The following SEPTIN14 variants were observed in gnomAD, a reference collection of about 807,000 sequenced individuals.
SEPTIN14 encodes the protein septin-14.
Under a neutral mutation model 53.6 loss-of-function variants are expected in SEPTIN14, and 40 were observed. The ratio of observed to expected loss-of-function variants is 0.75; its 90% CI spans 0.58 to 0.97. The LOEUF (loss-of-function observed/expected upper bound fraction) is 0.97. SEPTIN14 is among the 50% of genes least tolerant of loss of function. The probability of loss-of-function intolerance (pLI) is 0.00; values close to 1 mark genes in which losing one functional copy is unlikely to be tolerated. For missense variants in SEPTIN14, 471 were observed against 508.2 expected, an observed-to-expected ratio of 0.93 and a Z score of 0.70; for synonymous variants, 138 against 166.8, an observed-to-expected ratio of 0.83 and a Z score of 1.33.
intron 2 of SEPTIN14, among the ~76,000 whole-genome samples, chr7:55,847,049 C>T (rs1368652988): frequency 6.6e-6 from 1 of 151,912 alleles, no homozygotes; most frequent in East Asian, 1.9e-4. Context: ...GCCGGGCATG[C>T]TTGTACTAAA....
chr7:55,802,939 A>ATT (rs552397102), intron 9 of SEPTIN14, among the ~76,000 whole-genome samples: 2 of 148,862 alleles, frequency 1.3e-5, no homozygotes, highest in African/African-American at 2.5e-5. Context: ...ATGAAACTGA[A>ATT]CTTTTTTTTT....
intron 2 of SEPTIN14, among the ~76,000 whole-genome samples, chr7:55,856,298 CTT>C (rs1051868258): frequency 4.6e-5 from 7 of 152,116 alleles, no homozygotes; most frequent in African/African-American, 1.7e-4. Flanking sequence ...TATTAATTAA[CTT>C]AGGATAATGG....
intron 3 of SEPTIN14, among the ~76,000 whole-genome samples, chr7:55,845,403 C>A (rs904305423): frequency 3.9e-5 from 6 of 152,124 alleles, no homozygotes; most frequent in African/African-American, 1.4e-4. Flanking sequence ...ATGTCCTTTG[C>A]AGGAACATGG....
At chr7:55,852,781 A>T (rs1046221283) in intron 2 of SEPTIN14, among the ~76,000 whole-genome samples, 7 of 152,200 alleles carry the variant, frequency 4.6e-5, no homozygotes, top group African/African-American at 1.7e-4. Flanking sequence ...ATATTTGCAA[A>T]CTATCCCCCG....
At chr7:55,802,508 G>A (rs927465615) in intron 9 of SEPTIN14, among the ~76,000 whole-genome samples, 6 of 151,932 alleles carry the variant, frequency 3.9e-5, no homozygotes, top group Non-Finnish European at 8.8e-5. Context: ...TGGAATGCAA[G>A]GATGATTCAA....
At position 55,834,343 on chromosome 7, in the gene SEPTIN14, A is replaced by T. The variant is rs1319020094; in HGVS notation, c.720+82T>A. On this transcript the variant is annotated intron_variant, in intron 6 of 9. Coordinates refer to ENST00000388975, the MANE Select transcript of SEPTIN14 (RefSeq NM_207366.3). ...TTCTCAGCAGAAGCTTTACAAAATT[A>T]AAAAAATTAAAAATTCTCACACTGG... 6 of 1,062,666 alleles carry T rather than the reference A, an allele frequency of 5.6e-6. No individual in the cohort carries two copies. The Admixed American group carries it at 1.6e-4, about 28-fold the overall frequency. 65.8% of individuals were successfully genotyped at this position (1,062,666 alleles called of 1,614,324 possible).
At chr7:55,840,406 T>C (rs1789288269) in intron 5 of SEPTIN14, among the ~76,000 whole-genome samples, 1 of 151,746 alleles carries the variant, frequency 6.6e-6, no homozygotes, top group Admixed American at 6.6e-5. Context: ...GGAGAACTGC[T>C]TGAACCCAGG....
At chr7:55,808,050 A>G (rs1397485065) in intron 7 of SEPTIN14, among the ~76,000 whole-genome samples, 2 of 152,214 alleles carry the variant, frequency 1.3e-5, no homozygotes, top group Non-Finnish European at 2.9e-5. Flanking sequence ...CTGTATTACA[A>G]TAATAGTAAG....
chr7:55,830,335 A>ATTTT (rs1562713324), intron 6 of SEPTIN14, among the ~76,000 whole-genome samples: 7 of 34,300 alleles, frequency 2.0e-4, no homozygotes, highest in African/African-American at 1.0e-3. Flanking sequence ...ATATATATAT[A>ATTTT]TATATATATA....
In SEPTIN14 at chr7:55,821,323, TCA is replaced by T. The variant is rs369861645; in HGVS notation, c.721-2102_721-2101del. 9.9e-4 allele frequency among the ~76,000 whole-genome samples: 150 copies of T among 152,272 alleles called. 1 individual carries two copies. The highest frequency in any genetic ancestry group is 3.3e-3 in the African/African-American group (139 of 41,548). On this transcript the variant is annotated intron_variant, in intron 6 of 9. Coordinates refer to ENST00000388975, the MANE Select transcript of SEPTIN14 (RefSeq NM_207366.3). ...ACTGGTGCTCCTCCTCACTGAGCTC[TCA>T]GTTACCAGTGGGTGCCTGAAGCTTC...
At chr7:55,823,903 TTGAGA>T (rs1788939405) in intron 6 of SEPTIN14, among the ~76,000 whole-genome samples, 3 of 151,166 alleles carry the variant, frequency 2.0e-5, no homozygotes, top group African/African-American at 2.4e-5. Context: ...TTTTTTTTTT[TTGAGA>T]GAGAGAGTGT....
At chr7:55,852,989 T>C (rs1350733472) in intron 2 of SEPTIN14, among the ~76,000 whole-genome samples, 1 of 152,204 alleles carries the variant, frequency 6.6e-6, no homozygotes, top group African/African-American at 2.4e-5. Context: ...TACAATGATA[T>C]ATCATCTCAC....
At chr7:55,796,717 C>T (rs1420599986) in intron 9 of SEPTIN14, among the ~76,000 whole-genome samples, 2 of 151,970 alleles carry the variant, frequency 1.3e-5, no homozygotes, top group Admixed American at 1.3e-4. Context: ...GAGTTCAAGA[C>T]CAGCCTGGGC....
rs557292545 is a variant in SEPTIN14, at chr7:55,830,850, A to G, written c.720+3575T>C. On this transcript the variant is annotated intron_variant, in intron 6 of 9. Transcript: ENST00000388975. Reference sequence around the variant, plus strand: ...ATAAAATAATTTCAAACAAATAAAAACAAGAACAGATAGGTTTACAGCCAA... The same window carrying G: ...ATAAAATAATTTCAAACAAATAAAAGCAAGAACAGATAGGTTTACAGCCAA... Among the ~76,000 whole-genome samples the G allele has an allele frequency of 2.6e-5, 4 of 152,264 alleles. No homozygotes were observed. In the South Asian group the frequency reaches 8.3e-4, roughly 32 times the overall value.
chr7:55,822,623 A>G (rs1354771226), intron 6 of SEPTIN14, among the ~76,000 whole-genome samples: 1 of 152,206 alleles, frequency 6.6e-6, no homozygotes. Context: ...AATATTTGAC[A>G]AAGAAGCAAT....
intron 5 of SEPTIN14, among the ~76,000 whole-genome samples, chr7:55,837,489 G>A (rs559273224): frequency 7.6e-4 from 116 of 152,220 alleles, no homozygotes; most frequent in Non-Finnish European, 1.1e-3. Flanking sequence ...GAAAGAAATT[G>A]AGGCATCATA....
chr7:55,800,154 G>GA (rs200942978), intron 9 of SEPTIN14, among the ~76,000 whole-genome samples: 2 of 151,844 alleles, frequency 1.3e-5, no homozygotes, highest in Non-Finnish European at 2.9e-5. Flanking sequence ...ATGAGTGGAT[G>GA]AAAAAAAATG....
Position 55,794,605 on chromosome 7 carries a change from G to A in SEPTIN14, c.*1308C>T, listed in dbSNP as rs1268227831. 6.6e-6 allele frequency: 1 copy of A among 152,146 alleles called. No homozygotes were observed. The highest frequency in any genetic ancestry group is 2.1e-4 in the South Asian group (1 of 4,834). The allele number at this position is 152,146 out of a possible 1,614,324, so 9.4% of individuals were successfully genotyped here. On this transcript the variant is annotated 3_prime_UTR_variant, in exon 10 of 10. Transcript: ENST00000388975. ...TTTCTTCCCCCAAATTATAAAATCTGTAAGATGATTTAACAATATGTATAA... is the reference window on the plus strand; with the variant it reads ...TTTCTTCCCCCAAATTATAAAATCTATAAGATGATTTAACAATATGTATAA...
intron 6 of SEPTIN14, among the ~76,000 whole-genome samples, chr7:55,831,067 A>G (rs774088131): frequency 5.3e-5 from 8 of 152,158 alleles, no homozygotes. Flanking sequence ...AAACGATCCT[A>G]AATATCATAT....
Sources: gnomAD v4.1 joint callset for allele counts (sites outside exome capture counted in the v4.1 genomes callset) on GRCh38, gnomAD v4.1.1 for gene constraint, MANE v1.5 for transcripts, NCBI Gene and HGNC (gene_info 2026-07-23, HGNC 2026-07-21) for gene names.